The following PCYOX1 variants were observed in gnomAD, a reference collection of about 807,000 sequenced individuals.
PCYOX1 encodes prenylcysteine lyase.
In PCYOX1, 46 loss-of-function variants were observed where a neutral mutation model predicts 46.4. The observed-to-expected ratio is 0.99, with a 90% CI of 0.78 to 1.27. PCYOX1 has a LOEUF of 1.27. PCYOX1 is among the 50% of genes most tolerant of loss of function. The pLI is 0.00. For missense variants in PCYOX1, 658 were observed against 628.3 expected (o/e 1.05, Z -0.51); for synonymous variants, 220 against 231.8 (o/e 0.95, Z 0.46).
intron 3 of PCYOX1, among the ~76,000 whole-genome samples, chr2:70,264,813 A>G (rs1696489758): frequency 6.6e-6 from 1 of 152,014 alleles, no homozygotes; most frequent in Admixed American, 6.5e-5. Context: ...CAGGAGTTCG[A>G]GACCAGCCTG....
rs1413359337 is a variant in PCYOX1, at chr2:70,277,330, A to G, written c.1456A>G (p.Asn486Asp). The change falls in exon 6 of 6, where the codon AAC becomes GAC. Residue 486 changes from asparagine (N) to aspartate (D), a missense_variant. Physicochemically the swap from Asn to Asp is conservative, Grantham distance 23. Coordinates refer to ENST00000433351, the MANE Select transcript of PCYOX1 (RefSeq NM_016297.4). ...TGCACTCCTTGCCTATCACCGCTGG[A>G]ACGGGCACACAGACATGATTGATCA... The part of the protein sequence containing the change: ...NAALLAYHRW[N>D]GHTDMIDQDG... The G allele has an allele frequency of 1.9e-6, 3 of 1,613,926 alleles. No individual in the cohort carries two copies. The African/African-American group carries it at 4.0e-5, about 22-fold the overall frequency.
intron 3 of PCYOX1, among the ~76,000 whole-genome samples, chr2:70,266,274 G>A (rs1001488723): frequency 6.6e-6 from 1 of 152,026 alleles, no homozygotes; most frequent in African/African-American, 2.4e-5. Context: ...ATGATGGAAG[G>A]AAGAGATTGG....
chr2:70,260,893 T>A (rs1696426293), intron 2 of PCYOX1, among the ~76,000 whole-genome samples: 1 of 152,224 alleles, frequency 6.6e-6, no homozygotes, highest in Non-Finnish European at 1.5e-5. Flanking sequence ...GACATCTTTG[T>A]TTTTAAATTG....
chr2:70,273,837 TAGAA>T lies in PCYOX1; in HGVS notation c.495-1119_495-1116del, dbSNP rs1239364092. On this transcript the variant is annotated intron_variant, in intron 3 of 5. Coordinates refer to ENST00000433351, the MANE Select transcript of PCYOX1 (RefSeq NM_016297.4). ...TCAAGTGATGTTTTCTAAAAAATAATAGAAAGCATCTAATTGTTGAATGAGTGGC... is the reference window on the plus strand; with the variant it reads ...TCAAGTGATGTTTTCTAAAAAATAATAGCATCTAATTGTTGAATGAGTGGC... Among the ~76,000 whole-genome samples, 28 of 152,326 alleles carry T rather than the reference TAGAA, an allele frequency of 1.8e-4. No individual in the cohort carries two copies. In the South Asian group the frequency reaches 2.9e-3, roughly 16 times the overall value.
intron 3 of PCYOX1, among the ~76,000 whole-genome samples, chr2:70,269,045 C>A (rs1696566711): frequency 6.6e-6 from 1 of 151,976 alleles, no homozygotes; most frequent in Admixed American, 6.6e-5. Context: ...CAGTAACTGT[C>A]CATTATTGAA....
Position 70,277,519 on chromosome 2 carries a change from C to T in PCYOX1, c.*127C>T, listed in dbSNP as rs573987790. On this transcript the variant is annotated 3_prime_UTR_variant, in exon 6 of 6. Coordinates refer to ENST00000433351, the MANE Select transcript of PCYOX1 (RefSeq NM_016297.4). The stretch of plus-strand genomic sequence containing the variant: ...TATCATTGTTTAATAAAAGTAATCC[C>T]TGCTGGTCATAGGAAAACACACGGT... The T allele has an allele frequency of 2.8e-5, 21 of 751,954 alleles. No homozygotes were observed. The highest frequency in any genetic ancestry group is 4.6e-5 in the Non-Finnish European group (21 of 454,502). 46.6% of individuals were successfully genotyped at this position (751,954 alleles called of 1,614,324 possible).
At chr2:70,261,832 G>A (rs936751233) in intron 3 of PCYOX1, among the ~76,000 whole-genome samples, 1 of 150,540 alleles carries the variant, frequency 6.6e-6, no homozygotes, top group Non-Finnish European at 1.5e-5. Context: ...CTGGTGTTGT[G>A]TATATGAATT....
intron 2 of PCYOX1, among the ~76,000 whole-genome samples, chr2:70,260,576 A>G (rs1201509898): frequency 6.6e-6 from 1 of 152,162 alleles, no homozygotes; most frequent in East Asian, 1.9e-4. Context: ...ACTCCGTCAC[A>G]CAGCTGTGGA....
At chr2:70,271,411 T>C (rs1696599381) in intron 3 of PCYOX1, among the ~76,000 whole-genome samples, 1 of 151,282 alleles carries the variant, frequency 6.6e-6, no homozygotes, top group Admixed American at 6.6e-5. Flanking sequence ...AGAATCTATC[T>C]TCAAAAGAAA....
intron 5 of PCYOX1, among the ~76,000 whole-genome samples, chr2:70,276,234 A>G (rs906272791): frequency 6.7e-6 from 1 of 148,756 alleles, no homozygotes; most frequent in Non-Finnish European, 1.5e-5. Context: ...GTAGTGGCCT[A>G]TCTCGGCTCA....
chr2:70,261,112 C>A, intron 2 of PCYOX1, 100 bp from the exon 3 acceptor site: 1 of 676,920 alleles, frequency 1.5e-6, no homozygotes, highest in Non-Finnish European at 2.5e-6. Context: ...CTTTATGTGT[C>A]TCCTGAGAAC....
At position 70,261,304 on chromosome 2, in the gene PCYOX1, G is replaced by A. The variant is rs745845529; in HGVS notation, c.412G>A (p.Val138Met). The change falls in exon 3 of 6, where the codon GTG (valine) becomes ATG (methionine). Residue 138 changes from valine to methionine, a missense_variant. Transcript: ENST00000433351. Reference protein sequence around the residue: ...FEESNWFIINVIKLVWRYGFQ... With the variant: ...FEESNWFIINMIKLVWRYGFQ... ...GGAGAGCAACTGGTTCATAATTAAC[G>A]TGATTAAATTAGTTTGGCGCTATGG... The A allele has an allele frequency of 1.1e-5, 17 of 1,610,438 alleles. No homozygotes were observed. The East Asian group carries it at 2.5e-4, about 23-fold the overall frequency.
rs1391805679 is a variant in PCYOX1 at position 70,267,726 on chromosome 2, C to T, written c.494+6340C>T. Among the ~76,000 whole-genome samples, 6 of 148,450 alleles carry T rather than the reference C, an allele frequency of 4.0e-5. 1 individual carries two copies. Among genetic ancestry groups the T allele is most frequent in the East Asian group, 4.0e-4 (2 of 5,056 alleles). On this transcript the variant is annotated intron_variant, in intron 3 of 5. Transcript: ENST00000433351. ...ATCAGGCAGGGAGGTTGCAGTGAGT[C>T]GAGATGGCAGCAGTACAGTCCAGCC...
rs1208819322 is a variant in PCYOX1, at chr2:70,278,394, G to C, written c.*1002G>C. The C allele has an allele frequency of 6.6e-6, 1 of 152,630 alleles. No homozygotes were observed. The highest frequency in any genetic ancestry group is 1.5e-5 in the Non-Finnish European group (1 of 68,046). The allele number at this position is 152,630 out of a possible 1,614,324, so 9.5% of individuals were successfully genotyped here. On this transcript the variant is annotated 3_prime_UTR_variant, in exon 6 of 6. Coordinates refer to ENST00000433351, the MANE Select transcript of PCYOX1 (RefSeq NM_016297.4). ...GGTTTTAGTGCCTTAGAAGTCCTAA[G>C]AAGCCCAATCTGTATCAAAGCAGAT...
At chr2:70,258,684 C>T (rs928949326) in intron 1 of PCYOX1, among the ~76,000 whole-genome samples, 7 of 152,236 alleles carry the variant, frequency 4.6e-5, no homozygotes, top group Non-Finnish European at 8.8e-5. Flanking sequence ...CAGGCTCACG[C>T]AGGCACAGCA....
chr2:70,264,382 A>G (rs1696484257), intron 3 of PCYOX1, among the ~76,000 whole-genome samples: 2 of 151,158 alleles, frequency 1.3e-5, no homozygotes, highest in South Asian at 4.2e-4. Flanking sequence ...GCTGGAGTGC[A>G]GTGGTGCAAT....
intron 3 of PCYOX1, among the ~76,000 whole-genome samples, chr2:70,262,420 C>G (rs925575459): frequency 9.2e-5 from 14 of 151,806 alleles, no homozygotes; most frequent in South Asian, 8.3e-4. Flanking sequence ...CCTGCCTCGG[C>G]CTCCCAAAGT....
Position 70,261,330 on chromosome 2 carries a change from A to C in PCYOX1, c.438A>C (p.Gly146=), listed in dbSNP as rs1347049802. The change falls in exon 3 of 6, where the codon GGA becomes GGC. Residue 146 remains glycine, a synonymous_variant. Transcript: ENST00000433351. The part of the protein sequence containing the change: ...INVIKLVWRY[G]FQSLRMHMWV... Reference sequence around the variant, plus strand: ...TGATTAAATTAGTTTGGCGCTATGGATTTCAATCCCTCCGTATGCACATGT... The same window carrying C: ...TGATTAAATTAGTTTGGCGCTATGGCTTTCAATCCCTCCGTATGCACATGT... 1 of 1,613,126 alleles carries C rather than the reference A, an allele frequency of 6.2e-7. No homozygotes were observed. Among genetic ancestry groups the C allele is most frequent in the Admixed American group, 1.7e-5 (1 of 60,016 alleles).
chr2:70,269,727 T>A (rs1696575544), intron 3 of PCYOX1, among the ~76,000 whole-genome samples: 2 of 151,318 alleles, frequency 1.3e-5, no homozygotes, highest in African/African-American at 4.8e-5. Context: ...TGCCACAGAT[T>A]TTTTTTTTGA....
Sources: allele counts gnomAD v4.1 joint callset (sites outside exome capture counted in the v4.1 genomes callset), GRCh38; gene constraint gnomAD v4.1.1; transcripts MANE v1.5; gene names NCBI Gene and HGNC (gene_info 2026-07-23, HGNC 2026-07-21).